The following SASH1 variants were observed in gnomAD, a reference collection of about 807,000 sequenced individuals.
SASH1 encodes the protein SAM and SH3 domain-containing protein 1.
A neutral mutation model predicts 125.2 loss-of-function variants in SASH1; 44 were observed. That is an observed-to-expected ratio of 0.35 (90% CI 0.28 to 0.45). The LOEUF (loss-of-function observed/expected upper bound fraction) is 0.45. Among genes scored for constraint, SASH1 ranks in the 20% least tolerant of loss-of-function variants. The pLI is 1.00. For missense variants in SASH1, 1,426 were observed against 1,614.5 expected (o/e 0.88, Z 2.00); for synonymous variants, 639 against 649.1 (o/e 0.98, Z 0.24).
rs140349900 is a variant in SASH1 at position 148,359,481 on chromosome 6, T to C, written c.156+16258T>C. Among the ~76,000 whole-genome samples, 18 of 152,294 alleles carry C rather than the reference T, an allele frequency of 1.2e-4. No homozygotes were observed. The East Asian group carries it at 3.5e-3, about 29-fold the overall frequency. On this transcript the variant is annotated intron_variant, in intron 1 of 19. Transcript: ENST00000367467. ...AATCTCATGATTAAACCTGAACAGA[T>C]GTGGAGTTGCTTCTTATGGATGAGT...
At chr6:148,465,288 A>G (rs552346200) in intron 4 of SASH1, among the ~76,000 whole-genome samples, 3 of 152,298 alleles carry the variant, frequency 2.0e-5, no homozygotes, top group African/African-American at 7.2e-5. Context: ...ACGGTGGCTC[A>G]TGCCTGCAAT....
the SASH1 span, among the ~76,000 whole-genome samples, chr6:148,202,956 A>AC: frequency 2.0e-5 from 3 of 151,832 alleles, no homozygotes; most frequent in Non-Finnish European, 2.9e-5. Flanking sequence ...TGTGTCAAAA[A>AC]AAAAACAAAA....
chr6:148,443,146 A>G (rs1346772824), intron 4 of SASH1, among the ~76,000 whole-genome samples: 2 of 9,304 alleles, frequency 2.1e-4, no homozygotes, highest in Non-Finnish European at 4.5e-4. Flanking sequence ...CTTTTTAGAA[A>G]AAAAAAAAAA....
chr6:148,439,146 G>A (rs184448995), intron 2 of SASH1, among the ~76,000 whole-genome samples: 5 of 152,020 alleles, frequency 3.3e-5, no homozygotes, highest in Non-Finnish European at 7.4e-5. Context: ...AATACTCTTC[G>A]TTTTCTTTTA....
chr6:148,223,544 G>A, the SASH1 span, among the ~76,000 whole-genome samples: 2 of 152,152 alleles, frequency 1.3e-5, no homozygotes, highest in Non-Finnish European at 2.9e-5. Flanking sequence ...TTTAAACTAT[G>A]TTGCTTCTCT....
At chr6:148,224,334 C>G in the SASH1 span, among the ~76,000 whole-genome samples, 4 of 151,780 alleles carry the variant, frequency 2.6e-5, no homozygotes, top group East Asian at 7.7e-4. Flanking sequence ...GCCTTGATGC[C>G]TTGATGAATC....
upstream of SASH1, among the ~76,000 whole-genome samples, chr6:148,341,428 C>T (rs1467569110): frequency 2.0e-5 from 3 of 151,698 alleles, no homozygotes; most frequent in African/African-American, 7.3e-5. Context: ...CCGCCTCAGC[C>T]TCCCAAAGTG....
At chr6:148,457,776 G>T (rs1456299917) in intron 4 of SASH1, among the ~76,000 whole-genome samples, 1 of 152,158 alleles carries the variant, frequency 6.6e-6, no homozygotes, top group Non-Finnish European at 1.5e-5. Context: ...ACAGGGCTGG[G>T]GAGACCTCAG....
chr6:148,308,501 T>C (rs539798677), intron 1 of SASH1, among the ~76,000 whole-genome samples: 1 of 151,068 alleles, frequency 6.6e-6, no homozygotes, highest in Non-Finnish European at 1.5e-5. Flanking sequence ...GTTCAAGCAA[T>C]TCTCCTGCCT....
chr6:148,435,014 G>T (rs1480378045), intron 2 of SASH1, among the ~76,000 whole-genome samples: 4 of 150,900 alleles, frequency 2.7e-5, no homozygotes, highest in South Asian at 4.3e-4. Context: ...AGACCAGCCT[G>T]GCCAACATAA....
At position 148,390,236 on chromosome 6, in the gene SASH1, C is replaced by A; in HGVS notation, c.259C>A (p.Arg87=). ...VCERMEELRK[R]RVSQDLEVEK... is the part of the protein sequence containing the mutation. ...CGAGAGGATGGAGGAGCTGCGGAAA[C>A]GGCGGGTTTCCCAGGACCTGGAAGT... The change falls in exon 2 of 20, where the codon CGG becomes AGG. Residue 87 remains arginine, a synonymous_variant. Coordinates refer to ENST00000367467, the MANE Select transcript of SASH1 (RefSeq NM_015278.5). The A allele has an allele frequency of 6.2e-7, 1 of 1,612,146 alleles. No homozygotes were observed. Among genetic ancestry groups the A allele is most frequent in the Non-Finnish European group, 8.5e-7 (1 of 1,179,454 alleles).
rs568474241 is a variant in SASH1 at position 148,413,941 on chromosome 6, T to A, written c.285+23679T>A. On this transcript the variant is annotated intron_variant, in intron 2 of 19. Coordinates refer to ENST00000367467, the MANE Select transcript of SASH1 (RefSeq NM_015278.5). ...TATATGGGGAATCACTCCTCCCTTT[T>A]ATGAAGTCTATGTAAAAACCATTGA... Among the ~76,000 whole-genome samples, 14 of 152,148 alleles carry A rather than the reference T, an allele frequency of 9.2e-5. No individual in the cohort carries two copies. In the South Asian group the frequency reaches 2.9e-3, roughly 32 times the overall value.
At chr6:148,431,448 C>T (rs1323014724) in intron 2 of SASH1, among the ~76,000 whole-genome samples, 1 of 152,136 alleles carries the variant, frequency 6.6e-6, no homozygotes, top group East Asian at 1.9e-4. Flanking sequence ...ATCCACCCAC[C>T]TCAACCTCCC....
chr6:148,398,414 TATGGGAAACA>T (rs1241477200), intron 2 of SASH1, among the ~76,000 whole-genome samples: 2 of 152,198 alleles, frequency 1.3e-5, no homozygotes, highest in African/African-American at 4.8e-5. Flanking sequence ...CAGCAAAGCA[TATGGGAAACA>T]GGTTTCCTGT....
chr6:148,391,422 T>TAA (rs398038813), intron 2 of SASH1, among the ~76,000 whole-genome samples: 5,722 of 114,236 alleles, frequency 0.05, 132 homozygotes, highest in Non-Finnish European at 0.056. Context: ...GACACTTTTA[T>TAA]AAAAAAAAAA....
chr6:148,398,208 T>C (rs1784033973), intron 2 of SASH1, among the ~76,000 whole-genome samples: 1 of 152,154 alleles, frequency 6.6e-6, no homozygotes, highest in Admixed American at 6.5e-5. Context: ...ATATAAAAGA[T>C]AAAGTAGAAT....
the SASH1 span, among the ~76,000 whole-genome samples, chr6:148,244,464 C>A: frequency 2.0e-5 from 3 of 152,080 alleles, no homozygotes; most frequent in African/African-American, 7.2e-5. Flanking sequence ...AGCGGTAGGA[C>A]GTTGTTTTAT....
At chr6:148,438,952 C>A (rs935394068) in intron 2 of SASH1, among the ~76,000 whole-genome samples, 2 of 152,086 alleles carry the variant, frequency 1.3e-5, no homozygotes, top group Non-Finnish European at 2.9e-5. Flanking sequence ...AAAAGTATAA[C>A]TTTGCTCTGA....
the SASH1 span, among the ~76,000 whole-genome samples, chr6:148,202,483 G>A: frequency 6.6e-6 from 1 of 152,182 alleles, no homozygotes; most frequent in Non-Finnish European, 1.5e-5. Flanking sequence ...ACCCTGCTAG[G>A]AGACAGGAGG....
Sources: allele counts gnomAD v4.1 joint callset (sites outside exome capture counted in the v4.1 genomes callset), GRCh38; gene constraint gnomAD v4.1.1; transcripts MANE v1.5; gene names NCBI Gene and HGNC (gene_info 2026-07-23, HGNC 2026-07-21).